The following TMEM132B variants were observed in gnomAD, a reference collection of about 807,000 sequenced individuals.
TMEM132B encodes transmembrane protein 132B.
In TMEM132B, 18 loss-of-function variants were observed where a neutral mutation model predicts 90.8. The ratio of observed to expected loss-of-function variants is 0.20; its 90% CI spans 0.14 to 0.29. TMEM132B has a LOEUF of 0.29. Ranked by LOEUF, TMEM132B falls within the 10% of genes least tolerant of loss-of-function variation. The pLI is 1.00. For synonymous variants in TMEM132B, 504 were observed against 523.3 expected (o/e 0.96, Z 0.50); for missense variants, 1,096 against 1,326.8 (o/e 0.83, Z 2.70).
intron 4 of TMEM132B, among the ~76,000 whole-genome samples, chr12:125,536,864 G>GA (rs71092298): frequency 0.62 from 92,883 of 150,462 alleles, 29,473 homozygotes; most frequent in East Asian, 0.8. Flanking sequence ...AGATTATCCT[G>GA]AAAAAAAAAT....
chr12:125,211,156 G>A (rs1252034144), intron 1 of TMEM132B, among the ~76,000 whole-genome samples: 1 of 152,116 alleles, frequency 6.6e-6, no homozygotes, highest in African/African-American at 2.4e-5. Context: ...AGGGATATCT[G>A]TGAGGTTTTG....
rs1378783353 is a variant in TMEM132B at position 125,246,289 on chromosome 12, T to TC, written c.67+59426dup. On this transcript the variant is annotated intron_variant, in intron 1 of 8. Coordinates refer to ENST00000682704, the MANE Select transcript of TMEM132B (RefSeq NM_001366854.1). The surrounding 1 kb of genome is among the most constrained non-coding windows in gnomAD (Gnocchi z 4.2). ...CTGGTGGCCCCTCCTTTCCCCGCCT[T>TC]CCCTGCCACAGGGAACTCAAGCCGG... Among the ~76,000 whole-genome samples the TC allele has an allele frequency of 1.3e-5, 2 of 152,178 alleles. No individual in the cohort carries two copies. The highest frequency in any genetic ancestry group is 3.9e-4 in the East Asian group (2 of 5,190).
chr12:125,203,655 A>C (rs1873117975), intron 1 of TMEM132B, among the ~76,000 whole-genome samples: 1 of 152,236 alleles, frequency 6.6e-6, no homozygotes, highest in Admixed American at 6.5e-5. Flanking sequence ...AATATATAAA[A>C]AATGTTTTCT....
chr12:125,202,890 A>G (rs1873096580), intron 1 of TMEM132B, among the ~76,000 whole-genome samples: 1 of 152,166 alleles, frequency 6.6e-6, no homozygotes, highest in South Asian at 2.1e-4. Flanking sequence ...TTCTGATATG[A>G]ACTTGATCAT....
At chr12:125,613,958 C>G (rs770081393) in intron 5 of TMEM132B, among the ~76,000 whole-genome samples, 1 of 151,914 alleles carries the variant, frequency 6.6e-6, no homozygotes, top group South Asian at 2.1e-4. Flanking sequence ...ATTCTTTTTG[C>G]TGTTATTGTT....
chr12:125,392,710 AC>A (rs1021358516), intron 2 of TMEM132B, among the ~76,000 whole-genome samples: 28 of 152,200 alleles, frequency 1.8e-4, no homozygotes, highest in Non-Finnish European at 3.4e-4. Flanking sequence ...GCAGGCTGGG[AC>A]CAATAACCAC....
At chr12:125,399,483 A>ATGTGTG (rs1555246075) in intron 2 of TMEM132B, among the ~76,000 whole-genome samples, 14 of 69,930 alleles carry the variant, frequency 2.0e-4, no homozygotes, top group African/African-American at 5.7e-4. Context: ...GTGTGTGTGT[A>ATGTGTG]TGTGTGTGTG....
At chr12:125,644,748 C>T (rs986196683) in intron 6 of TMEM132B, among the ~76,000 whole-genome samples, 6 of 152,120 alleles carry the variant, frequency 3.9e-5, no homozygotes, top group Non-Finnish European at 7.3e-5. Flanking sequence ...ACCACCATCC[C>T]GCGCCGGGCA....
chr12:125,527,077 T>C (rs1455549051), intron 4 of TMEM132B, among the ~76,000 whole-genome samples: 8 of 82,344 alleles, frequency 9.7e-5, no homozygotes, highest in Admixed American at 1.2e-4. Flanking sequence ...TACCCTTCTA[T>C]CCACCCATCC....
chr12:125,580,949 T>C (rs185590259), intron 4 of TMEM132B, among the ~76,000 whole-genome samples: 1 of 152,318 alleles, frequency 6.6e-6, no homozygotes, highest in African/African-American at 2.4e-5. Flanking sequence ...ATATTTACCA[T>C]GCTAAATTGC....
intron 1 of TMEM132B, among the ~76,000 whole-genome samples, chr12:125,287,638 C>T (rs1050590420): frequency 6.6e-6 from 1 of 152,148 alleles, no homozygotes; most frequent in African/African-American, 2.4e-5. Flanking sequence ...ACGCAAACCA[C>T]AGAATGATGC....
In TMEM132B at chr12:125,659,622, C is replaced by T. The variant is rs1171422135; in HGVS notation, c.*4912C>T. The T allele has an allele frequency of 6.6e-6, 1 of 152,200 alleles. No individual in the cohort carries two copies. The highest frequency in any genetic ancestry group is 1.5e-5 in the Non-Finnish European group (1 of 68,048). 9.4% of individuals were successfully genotyped at this position (152,200 alleles called of 1,614,324 possible). On this transcript the variant is annotated 3_prime_UTR_variant, in exon 9 of 9. Coordinates refer to ENST00000682704, the MANE Select transcript of TMEM132B (RefSeq NM_001366854.1). ...GCTCTCTGTTGGTGTGTGTGTATTTCTTGAAACTGCAGAGTCATTTTTGGC... is the reference window on the plus strand; with the variant it reads ...GCTCTCTGTTGGTGTGTGTGTATTTTTTGAAACTGCAGAGTCATTTTTGGC...
intron 1 of TMEM132B, among the ~76,000 whole-genome samples, chr12:125,316,762 C>T (rs404263): frequency 0.74 from 112,067 of 152,122 alleles, 42,299 homozygotes; most frequent in African/African-American, 0.89. Context: ...GCTGCAGTGA[C>T]GTAAGCGAGG....
chr12:125,631,480 G>A (rs1203719668), intron 5 of TMEM132B, among the ~76,000 whole-genome samples: 3 of 152,140 alleles, frequency 2.0e-5, no homozygotes, highest in Non-Finnish European at 2.9e-5. Context: ...TGGATAAAAT[G>A]TTCTGTAAAT....
At chr12:125,625,005 C>G (rs1272329734) in intron 5 of TMEM132B, among the ~76,000 whole-genome samples, 1 of 152,088 alleles carries the variant, frequency 6.6e-6, no homozygotes, top group African/African-American at 2.4e-5. Flanking sequence ...TTATGCTGTC[C>G]CTTTTAGTTA....
At chr12:125,366,642 T>TA (rs1409575705) in intron 2 of TMEM132B, among the ~76,000 whole-genome samples, 19 of 152,212 alleles carry the variant, frequency 1.2e-4, no homozygotes, top group Admixed American at 2.0e-4. Context: ...TGCAGAGGTA[T>TA]GGACTTTTAA....
At chr12:125,310,326 C>T (rs941203427) in intron 1 of TMEM132B, among the ~76,000 whole-genome samples, 5 of 152,190 alleles carry the variant, frequency 3.3e-5, no homozygotes, top group Admixed American at 6.5e-5. Context: ...GTGGGAGACC[C>T]GGACAGAGGT....
At chr12:125,427,214 A>G (rs1424516782) in intron 3 of TMEM132B, among the ~76,000 whole-genome samples, 1 of 152,164 alleles carries the variant, frequency 6.6e-6, no homozygotes, top group African/African-American at 2.4e-5. Flanking sequence ...AGTCTATGCA[A>G]AGAGGGAGGA....
chr12:125,279,407 G>A (rs1317963523), intron 1 of TMEM132B, among the ~76,000 whole-genome samples: 1 of 152,204 alleles, frequency 6.6e-6, no homozygotes, highest in African/African-American at 2.4e-5. Context: ...TACAAACCAT[G>A]TGACTTATGG....
Sources: allele counts gnomAD v4.1 joint callset (sites outside exome capture counted in the v4.1 genomes callset), GRCh38; gene constraint gnomAD v4.1.1; non-coding constraint Gnocchi (gnomAD v3.1); transcripts MANE v1.5; gene names NCBI Gene and HGNC (gene_info 2026-07-23, HGNC 2026-07-21).